The following ARL10 variants were observed in gnomAD, a reference collection of about 807,000 sequenced individuals.
ARL10 encodes ADP-ribosylation factor-like protein 10.
ARL10 carries 23 observed loss-of-function variants against 26.1 expected under a neutral mutation model. That is an observed-to-expected ratio of 0.88 (90% CI 0.63 to 1.25). The LOEUF (loss-of-function observed/expected upper bound fraction) is 1.25. ARL10 is among the 50% of genes most tolerant of loss of function. The pLI is 0.00. For missense variants in ARL10, 300 were observed against 323.6 expected, an observed-to-expected ratio of 0.93 and a Z score of 0.56; for synonymous variants, 138 against 149.1, an observed-to-expected ratio of 0.93 and a Z score of 0.54.
downstream of ARL10, chr5:176,392,614 G>T: frequency 1.4e-6 from 1 of 729,752 alleles, no homozygotes; most frequent in South Asian, 1.8e-5. This position sits in a 1 kb window ranked among gnomAD's most constrained non-coding sequence, Gnocchi z 5.2. Context: ...AGGGAGCGAG[G>T]CGTGATGGGG....
At chr5:176,367,713 GCTGGCTCCTT>G (rs1473943639) in intron 2 of ARL10, among the ~76,000 whole-genome samples, 1 of 152,138 alleles carries the variant, frequency 6.6e-6, no homozygotes, top group Non-Finnish European at 1.5e-5. Context: ...TCTTCCCATG[GCTGGCTCCTT>G]CTCATCATCC....
At chr5:176,412,906 C>T in the ARL10 span, among the ~76,000 whole-genome samples, 1 of 152,136 alleles carries the variant, frequency 6.6e-6, no homozygotes, top group South Asian at 2.1e-4. Context: ...AGGGTCTATT[C>T]CCTGTGATGC....
At chr5:176,402,304 T>C (rs1243260276), downstream of ARL10, among the ~76,000 whole-genome samples, 3 of 152,038 alleles carry the variant, frequency 2.0e-5, no homozygotes, top group Non-Finnish European at 4.4e-5. Context: ...TCTCAAAAAA[T>C]AAATAAATAA....
At position 176,368,912 on chromosome 5, in the gene ARL10, C is replaced by T. The variant is rs1190343774; in HGVS notation, c.491C>T (p.Ala164Val). ...DSADRLRLPW[A>V]RQELHKLLDK... is the part of the protein sequence containing the mutation. ...GCTGACCGACTGCGGCTGCCCTGGG[C>T]CCGACAGGAGCTGCACAAGCTGCTG... The change falls in exon 3 of 4, where the codon GCC (alanine) becomes GTC (valine). Residue 164 changes from alanine to valine, a missense_variant. Transcript: ENST00000310389. This position sits in a 1 kb window ranked among gnomAD's most constrained non-coding sequence, Gnocchi z 4.1. 2 of 1,614,106 alleles carry T rather than the reference C, an allele frequency of 1.2e-6. No homozygotes were observed. Among genetic ancestry groups the T allele is most frequent in the East Asian group, 2.2e-5 (1 of 44,878 alleles).
chr5:176,403,521 C>G (rs1056939786), downstream of ARL10, among the ~76,000 whole-genome samples: 1 of 151,892 alleles, frequency 6.6e-6, no homozygotes, highest in African/African-American at 2.4e-5. Flanking sequence ...GTGACGTGAT[C>G]TCGGCCCACT....
rs1301218150 is a variant in ARL10, at chr5:176,380,397, C to T, written c.*8502C>T. On this transcript the variant is annotated 3_prime_UTR_variant, in exon 4 of 4. Coordinates refer to ENST00000310389, the MANE Select transcript of ARL10 (RefSeq NM_173664.6). ...TTATTTAAAGTTTCCTCATCGTGGC[C>T]ATTTTAATTCTAAGTTGTTCCTAGT... 1 of 151,158 alleles carries T rather than the reference C, an allele frequency of 6.6e-6. No homozygotes were observed. The highest frequency in any genetic ancestry group is 1.5e-5 in the Non-Finnish European group (1 of 67,932). The allele number at this position is 151,158 out of a possible 1,614,324, so 9.4% of individuals were successfully genotyped here.
chr5:176,389,218 C>T, downstream of ARL10: 5 of 1,323,154 alleles, frequency 3.8e-6, no homozygotes, highest in South Asian at 4.1e-5. Flanking sequence ...ACCCTCGCCG[C>T]CCTCCCTCCG....
At chr5:176,402,239 A>G (rs1756859512), downstream of ARL10, among the ~76,000 whole-genome samples, 2 of 152,204 alleles carry the variant, frequency 1.3e-5, no homozygotes, top group South Asian at 4.1e-4. Context: ...TGGAGGTTGC[A>G]GTGAGCCGAG....
chr5:176,383,956 T>C (rs781158727), downstream of ARL10: 48 of 1,493,518 alleles, frequency 3.2e-5, no homozygotes, highest in South Asian at 5.8e-4. Context: ...TAAAATATAT[T>C]TGCTTTATTA....
In ARL10 at chr5:176,375,335, T is replaced by TCCATC. The variant is rs56310724; in HGVS notation, c.*3441_*3442insCATCC. On this transcript the variant is annotated 3_prime_UTR_variant, in exon 4 of 4. Transcript: ENST00000310389. ...ATCCATCCATCCATCCATCCATCCATCATCCACCCATCCATCCATCCATCC... is the reference window on the plus strand; with the variant it reads ...ATCCATCCATCCATCCATCCATCCATCCATCCATCCACCCATCCATCCATCCATCC... 1.7e-3 allele frequency: 69 copies of TCCATC among 40,732 alleles called. 5 individuals are homozygous for TCCATC. Among genetic ancestry groups the TCCATC allele is most frequent in the African/African-American group, 4.8e-3 (63 of 13,134 alleles). 2.5% of individuals were successfully genotyped at this position (40,732 alleles called of 1,614,324 possible). A position where few individuals can be genotyped will look rare whatever the true frequency, so the allele number is the denominator to read the frequency against.
the ARL10 span, among the ~76,000 whole-genome samples, chr5:176,411,547 G>A: frequency 6.6e-6 from 1 of 152,114 alleles, no homozygotes; most frequent in Non-Finnish European, 1.5e-5. Flanking sequence ...TCCTCCTGCA[G>A]TATTAAGCGC....
intron 1 of ARL10, chr5:176,388,135 C>T (rs1472926483): frequency 7.9e-6 from 7 of 882,140 alleles, no homozygotes; most frequent in Non-Finnish European, 1.3e-5. Flanking sequence ...CTCGGAAGGG[C>T]CTGAGGGAAG....
Position 176,378,267 on chromosome 5 carries a change from A to C in ARL10, c.*6372A>C, listed in dbSNP as rs940345155. 2 of 152,204 alleles carry C rather than the reference A, an allele frequency of 1.3e-5. No homozygotes were observed. The highest frequency in any genetic ancestry group is 3.8e-4 in the East Asian group (2 of 5,202). 9.4% of individuals were successfully genotyped at this position (152,204 alleles called of 1,614,324 possible). A position where few individuals can be genotyped will look rare whatever the true frequency, so the allele number is the denominator to read the frequency against. ...GCATTCATTCAATTTGCACATCCTAACTGTTTCAGCACTATCTGATTTAGC... is the reference window on the plus strand; with the variant it reads ...GCATTCATTCAATTTGCACATCCTACCTGTTTCAGCACTATCTGATTTAGC... On this transcript the variant is annotated 3_prime_UTR_variant, in exon 4 of 4. Coordinates refer to ENST00000310389, the MANE Select transcript of ARL10 (RefSeq NM_173664.6).
downstream of ARL10, chr5:176,389,102 C>T (rs925580453): frequency 1.6e-6 from 2 of 1,232,488 alleles, no homozygotes; most frequent in African/African-American, 1.5e-5. Flanking sequence ...GGGGGCGGGG[C>T]GGTGAGGGGC....
downstream of ARL10, chr5:176,406,410 G>A (rs1304093954): frequency 1.7e-6 from 2 of 1,162,552 alleles, no homozygotes; most frequent in Non-Finnish European, 2.2e-6. Context: ...CACCAGCCAA[G>A]CGTGTGCTGC....
At chr5:176,390,452 A>G (rs1209914571), downstream of ARL10, among the ~76,000 whole-genome samples, 2 of 151,778 alleles carry the variant, frequency 1.3e-5, no homozygotes, top group Non-Finnish European at 2.9e-5. Flanking sequence ...TTTTTTTGAG[A>G]CGAGTCTCAC....
chr5:176,388,286 C>G, intron 1 of ARL10: 1 of 1,614,214 alleles, frequency 6.2e-7, no homozygotes, highest in East Asian at 2.2e-5. Context: ...CCAACCCCAT[C>G]TCGGCCAGGT....
chr5:176,393,454 TC>T (rs1756347811), downstream of ARL10, among the ~76,000 whole-genome samples: 1 of 152,190 alleles, frequency 6.6e-6, no homozygotes, highest in South Asian at 2.1e-4. This position sits in a 1 kb window ranked among gnomAD's most constrained non-coding sequence, Gnocchi z 4.4. Context: ...GTGTGAGGAT[TC>T]TCCAGAAAGA....
intron 1 of ARL10, chr5:176,397,817 C>T (rs1756619551): frequency 6.8e-7 from 1 of 1,472,266 alleles, no homozygotes; most frequent in Non-Finnish European, 9.5e-7. Context: ...CACAGGGCCG[C>T]ACCGGCCCAG....
Sources: gnomAD v4.1 joint callset for allele counts (sites outside exome capture counted in the v4.1 genomes callset) on GRCh38, gnomAD v4.1.1 for gene constraint, Gnocchi (gnomAD v3.1) non-coding constraint, MANE v1.5 for transcripts, NCBI Gene and HGNC (gene_info 2026-07-23, HGNC 2026-07-21) for gene names.